REV3L: variants seen among roughly 807,000 people sequenced by gnomAD.
The protein encoded by REV3L is REV3 like, DNA directed polymerase zeta catalytic subunit.
A neutral mutation model predicts 299.4 loss-of-function variants in REV3L; 69 were observed. The observed-to-expected ratio is 0.23, with a 90% CI of 0.19 to 0.28. The LOEUF is 0.28. Among genes scored for constraint, REV3L ranks in the 10% least tolerant of loss-of-function variants. The pLI, the probability that REV3L is intolerant of heterozygous loss-of-function variation, is 1.00. For missense variants in REV3L, 3,128 were observed against 3,693.8 expected (o/e 0.85, Z 3.97); for synonymous variants, 1,238 against 1,271.4 (o/e 0.97, Z 0.56).
At chr6:111,339,285 T>C (rs892873991) in intron 21 of REV3L, among the ~76,000 whole-genome samples, 5 of 152,094 alleles carry the variant, frequency 3.3e-5, no homozygotes, top group Non-Finnish European at 4.4e-5. Flanking sequence ...CTCTCTATTA[T>C]AGATAAGAAA....
chr6:111,303,983 G>A (rs1431808548), intron 31 of REV3L, among the ~76,000 whole-genome samples: 1 of 152,112 alleles, frequency 6.6e-6, no homozygotes, highest in Non-Finnish European at 1.5e-5. Flanking sequence ...GCCTCCCAAA[G>A]TGTTGGGATT....
intron 18 of REV3L, 50 bp downstream of exon 18, chr6:111,356,964 G>C: frequency 1.0e-6 from 1 of 991,384 alleles, no homozygotes; most frequent in Middle Eastern, 2.3e-4. Context: ...GCAATAGCAT[G>C]AAACGACTCT....
intron 20 of REV3L, among the ~76,000 whole-genome samples, chr6:111,345,013 T>C (rs1046668514): frequency 2.0e-5 from 3 of 152,146 alleles, no homozygotes; most frequent in African/African-American, 7.2e-5. Context: ...TGTACTTGTG[T>C]AGGTATACAT....
rs375563294 is a variant in REV3L at position 111,374,437 on chromosome 6, T to A, written c.3918A>T (p.Val1306=). ...GTGAACTGGGGAATGTCTGCAAATC[T>A]ACAGACTTCTTGCTTTCTAAGAAAG... is the stretch of plus-strand genomic sequence containing the variant. ...FSSFLESKKS[V]DLQTFPSSRD... Residue 1306 remains valine (V), a synonymous_variant, in exon 13 of 32, where the codon GTA becomes GTT. Transcript: ENST00000368802. The A allele has an allele frequency of 1.2e-6, 2 of 1,613,922 alleles. No individual in the cohort carries two copies. Among genetic ancestry groups the A allele is most frequent in the African/African-American group, 2.7e-5 (2 of 74,932 alleles).
intron 28 of REV3L, chr6:111,312,562 TTCTC>T (rs970942255): frequency 5.9e-5 from 9 of 152,216 alleles, no homozygotes; most frequent in African/African-American, 1.4e-4. Context: ...TGGATTATGT[TTCTC>T]TCTTTTTATT....
chr6:111,409,274 A>C (rs1032703558), intron 3 of REV3L, among the ~76,000 whole-genome samples: 2 of 152,158 alleles, frequency 1.3e-5, no homozygotes, highest in Non-Finnish European at 2.9e-5. Context: ...TTGTCACATA[A>C]ATGTTACAAA....
intron 25 of REV3L, among the ~76,000 whole-genome samples, chr6:111,323,757 G>A (rs576142723): frequency 6.6e-6 from 1 of 152,158 alleles, no homozygotes; most frequent in East Asian, 1.9e-4. Context: ...AAACATAAAT[G>A]GAGCATTCCT....
intron 21 of REV3L, among the ~76,000 whole-genome samples, chr6:111,342,280 G>C (rs1207548607): frequency 6.6e-6 from 1 of 152,134 alleles, no homozygotes; most frequent in East Asian, 1.9e-4. Context: ...GGAGGGTCAG[G>C]AAGCTTACTT....
intron 2 of REV3L, chr6:111,412,047 T>TA (rs1452780261): frequency 7.1e-6 from 7 of 985,238 alleles, no homozygotes; most frequent in African/African-American, 3.5e-5. Flanking sequence ...TAACAACACT[T>TA]ACATTACTTT....
chr6:111,470,500 C>T (rs1263360795), intron 1 of REV3L, among the ~76,000 whole-genome samples: 1 of 152,140 alleles, frequency 6.6e-6, no homozygotes, highest in Admixed American at 6.6e-5. Flanking sequence ...AAGATTACAT[C>T]GCTTATAACA....
intron 1 of REV3L, among the ~76,000 whole-genome samples, chr6:111,443,742 T>C (rs1272319204): frequency 1.3e-5 from 2 of 152,204 alleles, no homozygotes; most frequent in African/African-American, 2.4e-5. Context: ...TGGTTTTCAG[T>C]AGCTATCCTT....
intron 21 of REV3L, among the ~76,000 whole-genome samples, chr6:111,336,811 T>C (rs995596562): frequency 6.6e-6 from 1 of 152,168 alleles, no homozygotes; most frequent in African/African-American, 2.4e-5. Context: ...AAATGCAGTA[T>C]ATATCCATAC....
chr6:111,352,100 A>G (rs1055001686), intron 18 of REV3L, among the ~76,000 whole-genome samples: 3 of 151,262 alleles, frequency 2.0e-5, no homozygotes, highest in Non-Finnish European at 1.5e-5. Flanking sequence ...TCTGCTTCCC[A>G]GGTTCAAACG....
chr6:111,432,457 G>A (rs1027393395), intron 1 of REV3L, among the ~76,000 whole-genome samples: 1 of 152,200 alleles, frequency 6.6e-6, no homozygotes, highest in Non-Finnish European at 1.5e-5. Flanking sequence ...AAGAAACAAA[G>A]AGGGTCACTA....
At position 111,483,079 on chromosome 6, in the gene REV3L, G is replaced by A. The variant is rs1311188413; in HGVS notation, c.-191C>T. 6.3e-6 allele frequency: 4 copies of A among 634,686 alleles called. No homozygotes were observed. Among genetic ancestry groups the A allele is most frequent in the Non-Finnish European group, 7.2e-6 (3 of 414,516 alleles). 39.3% of individuals were successfully genotyped at this position (634,686 alleles called of 1,614,324 possible). On this transcript the variant is annotated 5_prime_UTR_variant, in exon 1 of 32. Transcript: ENST00000368802. The stretch of plus-strand genomic sequence containing the variant: ...CGCTGCTGCCGCCGCCTCCTCAGGA[G>A]CACCCGGCAAGGGGCCGCAGGAGAG...
chr6:111,334,040 G>A (rs1775667251), intron 22 of REV3L, among the ~76,000 whole-genome samples: 1 of 152,152 alleles, frequency 6.6e-6, no homozygotes, highest in African/African-American at 2.4e-5. Context: ...CAGGGTTCAA[G>A]TGATTCTCCT....
chr6:111,371,534 G>T (rs547757356), intron 13 of REV3L, among the ~76,000 whole-genome samples: 2 of 151,282 alleles, frequency 1.3e-5, no homozygotes, highest in Non-Finnish European at 2.9e-5. Context: ...GGGACCACAG[G>T]TGCATGCCAC....
chr6:111,363,803 C>G, intron 16 of REV3L, 50 bp downstream of exon 16: 12 of 1,572,354 alleles, frequency 7.6e-6, no homozygotes, highest in Non-Finnish European at 9.5e-6. Context: ...TAGAATAAAA[C>G]AGGAGTTAAA....
Position 111,374,535 on chromosome 6 carries a change from C to A in REV3L, c.3820G>T (p.Val1274Leu), listed in dbSNP as rs1780107086. Residue 1274 changes from valine (V) to leucine (L), a missense_variant, in exon 13 of 32, where the codon GTA (valine) becomes TTA (leucine). Coordinates refer to ENST00000368802, the MANE Select transcript of REV3L (RefSeq NM_001372078.1). ...QKDMPLMGSA[V>L]DHPLSASLPT... ...AGGGAAGCAGAAAGGGGATGATCTA[C>A]AGCAGAGCCCATTAGTGGCATATCT... is the stretch of plus-strand genomic sequence containing the variant. The A allele has an allele frequency of 6.2e-7, 1 of 1,613,908 alleles. No individual in the cohort carries two copies. The highest frequency in any genetic ancestry group is 1.3e-5 in the African/African-American group (1 of 74,910).
Sources: allele counts gnomAD v4.1 joint callset (sites outside exome capture counted in the v4.1 genomes callset), GRCh38; gene constraint gnomAD v4.1.1; transcripts MANE v1.5; gene names NCBI Gene and HGNC (gene_info 2026-07-23, HGNC 2026-07-21).